Variants in TBCK observed in about 807,000 individuals in gnomAD.
TBCK encodes the protein TBC1 domain containing kinase.
Under a neutral mutation model 113.4 loss-of-function variants are expected in TBCK, and 99 were observed. The observed-to-expected ratio is 0.87, with a 90% CI of 0.74 to 1.03. TBCK has a LOEUF of 1.03. Ranked by LOEUF, TBCK falls within the 50% of genes least tolerant of loss-of-function variation. The probability of loss-of-function intolerance (pLI) is 0.00; values close to 1 mark genes in which losing one functional copy is unlikely to be tolerated. For missense variants in TBCK, 1,045 were observed against 1,061.3 expected, an observed-to-expected ratio of 0.98 and a Z score of 0.21; for synonymous variants, 369 against 370.8, an observed-to-expected ratio of 1.00 and a Z score of 0.05.
At chr4:106,312,671 T>A (rs1768329880) in intron 1 of TBCK, among the ~76,000 whole-genome samples, 1 of 152,168 alleles carries the variant, frequency 6.6e-6, no homozygotes, top group Non-Finnish European at 1.5e-5. Flanking sequence ...ACTGTACTCT[T>A]AATAGCTAAA....
Position 106,083,540 on chromosome 4 carries a change from C to T in TBCK, c.2571+11942G>A, listed in dbSNP as rs138971065. ...TTCTGAGGAATCCAGGCAGCTCAGA[C>T]GAGTGGGTTTCCCCCCAGTGAAACA... On this transcript the variant is annotated intron_variant, in intron 25 of 25. Coordinates refer to ENST00000394708, the MANE Select transcript of TBCK (RefSeq NM_001163435.3). Among the ~76,000 whole-genome samples the T allele has an allele frequency of 1.8e-3, 274 of 152,304 alleles. 1 individual carries two copies. The highest frequency in any genetic ancestry group is 6.2e-3 in the African/African-American group (258 of 41,562).
chr4:106,118,262 T>C (rs1254651374), intron 23 of TBCK, among the ~76,000 whole-genome samples: 1 of 152,124 alleles, frequency 6.6e-6, no homozygotes, highest in Non-Finnish European at 1.5e-5. Flanking sequence ...TTTAAAAAAA[T>C]GGTTTTCAAT....
Position 106,247,279 on chromosome 4 carries a change from G to A in TBCK, c.791C>T (p.Pro264Leu). ...TACTTTGTCCTTCATTAATTGATCTGGGGTTGGCCTTGAGAACATTTAAAA... is the reference window on the plus strand; with the variant it reads ...TACTTTGTCCTTCATTAATTGATCTAGGGTTGGCCTTGAGAACATTTAAAA... ...LTFHPSKRPT[P>L]DQLMKDKVFS... is the part of the protein sequence containing the mutation. Residue 264 changes from proline to leucine, a missense_variant, in exon 10 of 26, where the codon CCA becomes CTA. Pro to Leu is a moderately conservative substitution (Grantham distance 98). Coordinates refer to ENST00000394708, the MANE Select transcript of TBCK (RefSeq NM_001163435.3). 6.2e-7 allele frequency: 1 copy of A among 1,611,320 alleles called. No homozygotes were observed. Among genetic ancestry groups the A allele is most frequent in the Non-Finnish European group, 8.5e-7 (1 of 1,178,252 alleles).
intron 23 of TBCK, among the ~76,000 whole-genome samples, chr4:106,120,482 C>T (rs1460354320): frequency 5.3e-5 from 8 of 152,202 alleles, no homozygotes; most frequent in Non-Finnish European, 7.3e-5. Context: ...AGGAGGCCTG[C>T]CTGCCTCTGT....
In TBCK at chr4:106,171,083, G is replaced by A. The variant is rs552912604; in HGVS notation, c.2235+12C>T. 60 of 1,562,574 alleles carry A rather than the reference G, an allele frequency of 3.8e-5. No homozygotes were observed. The highest frequency in any genetic ancestry group is 1.2e-4 in the Admixed American group (6 of 48,546). The stretch of plus-strand genomic sequence containing the variant: ...CTTTTAGAGTTTGTAAACTAAATCC[G>A]CAAATACATACCAGATCTGTCTTTG... On this transcript the variant is annotated intron_variant, in intron 23 of 25. Transcript: ENST00000394708.
At chr4:106,057,593 T>C (rs1174035136) in intron 25 of TBCK, among the ~76,000 whole-genome samples, 1 of 151,682 alleles carries the variant, frequency 6.6e-6, no homozygotes, top group Admixed American at 6.6e-5. Context: ...CCAATGCTAC[T>C]GTGCTGTTTC....
intron 2 of TBCK, among the ~76,000 whole-genome samples, chr4:106,297,026 G>A (rs940740436): frequency 2.6e-5 from 4 of 152,032 alleles, no homozygotes; most frequent in African/African-American, 7.2e-5. Context: ...ATCTTACCAC[G>A]TTTTGTCCAT....
intron 25 of TBCK, among the ~76,000 whole-genome samples, chr4:106,070,531 G>T (rs1337444556): frequency 6.6e-6 from 1 of 152,132 alleles, no homozygotes; most frequent in African/African-American, 2.4e-5. Context: ...TATGCTGCTG[G>T]ATTCAGTTTG....
chr4:106,191,111 C>G (rs969186865), intron 22 of TBCK, among the ~76,000 whole-genome samples: 1 of 152,090 alleles, frequency 6.6e-6, no homozygotes, highest in Non-Finnish European at 1.5e-5. Context: ...GACGTTTTTT[C>G]TTGTCATTAT....
intron 3 of TBCK, 97 bp from the exon 4 acceptor site, chr4:106,262,309 T>C: frequency 1.7e-6 from 1 of 593,712 alleles, no homozygotes; most frequent in South Asian, 2.3e-5. Flanking sequence ...TTCAAAAAGT[T>C]ATATTTTTAT....
At chr4:106,302,880 T>C (rs1179490197) in intron 2 of TBCK, among the ~76,000 whole-genome samples, 1 of 152,208 alleles carries the variant, frequency 6.6e-6, no homozygotes, top group Non-Finnish European at 1.5e-5. Context: ...ATCTAATTAA[T>C]GTCACTAAAG....
At chr4:106,157,935 A>G (rs904472809) in intron 23 of TBCK, among the ~76,000 whole-genome samples, 5 of 152,130 alleles carry the variant, frequency 3.3e-5, no homozygotes, top group Non-Finnish European at 7.4e-5. Flanking sequence ...TTAGGAATTT[A>G]TGTTAAAAGA....
At chr4:106,135,724 T>C (rs1288674721) in intron 23 of TBCK, among the ~76,000 whole-genome samples, 3 of 141,616 alleles carry the variant, frequency 2.1e-5, no homozygotes, top group African/African-American at 7.5e-5. Context: ...TCACGGTACT[T>C]GGGATATTTC....
At chr4:106,131,285 T>C (rs914307543) in intron 23 of TBCK, among the ~76,000 whole-genome samples, 1 of 152,156 alleles carries the variant, frequency 6.6e-6, no homozygotes, top group African/African-American at 2.4e-5. Context: ...ATTACCCAGT[T>C]TTGGGTATGT....
At chr4:106,210,943 T>C (rs551380543) in intron 20 of TBCK, among the ~76,000 whole-genome samples, 4 of 152,342 alleles carry the variant, frequency 2.6e-5, no homozygotes, top group African/African-American at 7.2e-5. Context: ...AGGATTTTTA[T>C]TGGATTATCT....
chr4:106,167,647 T>C (rs1418936502), intron 23 of TBCK, among the ~76,000 whole-genome samples: 1 of 151,584 alleles, frequency 6.6e-6, no homozygotes, highest in East Asian at 1.9e-4. Flanking sequence ...AAAAAAAGAT[T>C]ATTCAAATTA....
chr4:106,291,554 A>G (rs1765713877), intron 3 of TBCK, among the ~76,000 whole-genome samples: 1 of 152,242 alleles, frequency 6.6e-6, no homozygotes, highest in African/African-American at 2.4e-5. Flanking sequence ...GACCAAGCAG[A>G]CTGATTAAAA....
At chr4:106,260,413 A>G in intron 5 of TBCK, 24 bp downstream of exon 5, 2 of 1,045,570 alleles carry the variant, frequency 1.9e-6, no homozygotes, top group Non-Finnish European at 2.6e-6. Context: ...AAGAAACTCA[A>G]AATAGAGGAA....
chr4:106,196,016 G>A (rs1185818582), intron 20 of TBCK, among the ~76,000 whole-genome samples: 4 of 151,918 alleles, frequency 2.6e-5, no homozygotes, highest in African/African-American at 9.7e-5. Flanking sequence ...TGTTCAAAAT[G>A]TCTCAATAAA....
Sources: gnomAD v4.1 joint callset for allele counts (sites outside exome capture counted in the v4.1 genomes callset) on GRCh38, gnomAD v4.1.1 for gene constraint, MANE v1.5 for transcripts, NCBI Gene and HGNC (gene_info 2026-07-23, HGNC 2026-07-21) for gene names.